Variants in CCDC7 observed in about 807,000 individuals in gnomAD.
CCDC7 encodes the protein coiled-coil domain-containing protein 7.
Under a neutral mutation model 196.9 loss-of-function variants are expected in CCDC7, and 183 were observed. The observed-to-expected ratio is 0.93, with a 90% CI of 0.82 to 1.05. The LOEUF is 1.05. Ranked by LOEUF, CCDC7 falls within the 50% of genes least tolerant of loss-of-function variation. CCDC7 has a pLI of 0.00. For missense variants in CCDC7, 1,540 were observed against 1,482.2 expected, an observed-to-expected ratio of 1.04 and a Z score of -0.64; for synonymous variants, 525 against 484.6, an observed-to-expected ratio of 1.08 and a Z score of -1.10.
At chr10:32,659,557 A>G (rs989716089) in intron 20 of CCDC7, among the ~76,000 whole-genome samples, 2 of 152,244 alleles carry the variant, frequency 1.3e-5, no homozygotes, top group African/African-American at 4.8e-5. Context: ...TTCATGGTCC[A>G]TATGAAAGTT....
At chr10:32,697,461 A>G (rs1416234036) in intron 24 of CCDC7, among the ~76,000 whole-genome samples, 1 of 152,114 alleles carries the variant, frequency 6.6e-6, no homozygotes, top group African/African-American at 2.4e-5. Context: ...AAATCAGGAC[A>G]CTCCCGCCTT....
chr10:32,514,896 C>T (rs1022859176), intron 9 of CCDC7, among the ~76,000 whole-genome samples: 3 of 152,178 alleles, frequency 2.0e-5, no homozygotes, highest in Non-Finnish European at 4.4e-5. Context: ...GTAATCATAG[C>T]TCACTTCAGC....
chr10:32,696,080 C>T (rs973475516), intron 24 of CCDC7, among the ~76,000 whole-genome samples: 14 of 151,758 alleles, frequency 9.2e-5, no homozygotes, highest in Admixed American at 2.6e-4. Flanking sequence ...TGGGTTTAGT[C>T]TTCCATATAC....
chr10:32,493,801 T>G (rs182970345), intron 9 of CCDC7, among the ~76,000 whole-genome samples: 174 of 152,300 alleles, frequency 1.1e-3, no homozygotes, highest in African/African-American at 4.0e-3. Flanking sequence ...ATTAGTGATG[T>G]TGAACATTTT....
exon 18 of CCDC7, chr10:32,584,295 A>G (rs775844142): frequency 1.3e-6 from 2 of 1,597,684 alleles, no homozygotes; most frequent in Non-Finnish European, 8.6e-7. Context: ...AGCAGCAGAA[A>G]AATCTCAAGG....
chr10:32,451,769 T>G (rs751315907), exon 1 of CCDC7: 1 of 1,614,122 alleles, frequency 6.2e-7, no homozygotes, highest in East Asian at 2.2e-5. Context: ...TAATGCAAAA[T>G]TAATTCATGA....
At chr10:32,848,123 A>C (rs1039347918) in intron 38 of CCDC7, among the ~76,000 whole-genome samples, 3 of 152,214 alleles carry the variant, frequency 2.0e-5, no homozygotes, top group African/African-American at 7.2e-5. Flanking sequence ...ATTTTAAAAA[A>C]TATGAGGTTT....
At chr10:32,738,711 C>G (rs574629415) in intron 28 of CCDC7, among the ~76,000 whole-genome samples, 19 of 151,876 alleles carry the variant, frequency 1.3e-4, no homozygotes, top group Admixed American at 1.2e-3. Flanking sequence ...TGAGCTCAAG[C>G]AATCCATCTG....
At position 32,567,691 on chromosome 10, in the gene CCDC7, CAACTT is replaced by C. The variant is rs2057031053; in HGVS notation, c.1224_1228del (p.Asn409PhefsTer9). The C allele has an allele frequency of 6.2e-7, 1 of 1,611,238 alleles. No individual in the cohort carries two copies. The highest frequency in any genetic ancestry group is 1.1e-5 in the South Asian group (1 of 90,404). ...ACAGGAAGCTGAAAAAGCTAAGCATCAACTTAACTATTTCCTAAATCAAGAGAAGT... is the reference window on the plus strand; with the variant it reads ...ACAGGAAGCTGAAAAAGCTAAGCATCAACTATTTCCTAAATCAAGAGAAGT... On this transcript the variant is annotated frameshift_variant, in exon 15 of 42. Coordinates refer to ENST00000639629, the Ensembl canonical transcript of CCDC7. LOFTEE classifies it high-confidence loss of function.
intron 16 of CCDC7, among the ~76,000 whole-genome samples, chr10:32,574,745 T>G (rs2057998542): frequency 6.6e-6 from 1 of 152,208 alleles, no homozygotes; most frequent in Non-Finnish European, 1.5e-5. Context: ...GTGTTTTATT[T>G]TGAAGAGTTA....
upstream of CCDC7, among the ~76,000 whole-genome samples, chr10:32,443,494 T>A (rs2030461018): frequency 6.6e-6 from 1 of 152,214 alleles, no homozygotes; most frequent in African/African-American, 2.4e-5. Flanking sequence ...AACTTTCAGG[T>A]ATGGCACGAG....
intron 28 of CCDC7, among the ~76,000 whole-genome samples, chr10:32,734,900 A>G (rs1330856812): frequency 6.6e-6 from 1 of 152,054 alleles, no homozygotes; most frequent in African/African-American, 2.4e-5. Context: ...TTCATCTCCA[A>G]AAAACAAATA....
chr10:32,743,198 A>G (rs1261720535), intron 28 of CCDC7, among the ~76,000 whole-genome samples: 1 of 152,212 alleles, frequency 6.6e-6, no homozygotes, highest in Non-Finnish European at 1.5e-5. Context: ...TTGCTGGATT[A>G]TATGACAAGA....
At chr10:32,583,275 A>G (rs1343440351) in exon 17 of CCDC7, 1 of 1,231,400 alleles carries the variant, frequency 8.1e-7, no homozygotes, top group Non-Finnish European at 1.0e-6. Context: ...ATCACCATTC[A>G]TTTTACCTCC....
intron 20 of CCDC7, among the ~76,000 whole-genome samples, chr10:32,649,212 A>C (rs1316862427): frequency 6.6e-6 from 1 of 152,194 alleles, no homozygotes; most frequent in Non-Finnish European, 1.5e-5. Flanking sequence ...TTCTGGGCTT[A>C]ATACCTGGGT....
chr10:32,594,757 G>T (rs2060140501), intron 18 of CCDC7, among the ~76,000 whole-genome samples: 1 of 152,138 alleles, frequency 6.6e-6, no homozygotes, highest in South Asian at 2.1e-4. Context: ...TTTTTAGCAT[G>T]AAGCGCTGTT....
chr10:32,576,408 C>A lies in CCDC7; in HGVS notation c.1454+4515C>A, dbSNP rs76678301. ...TGGAGTTTAACCATGGTAAGAGGGG[C>A]CCTTGCTTGGTACGGTAGCCTATAG... On this transcript the variant is annotated intron_variant, in intron 16 of 41. Coordinates refer to ENST00000639629, the Ensembl canonical transcript of CCDC7. Among the ~76,000 whole-genome samples the A allele has an allele frequency of 6.1e-3, 930 of 152,136 alleles. 15 individuals are homozygous for A. Among genetic ancestry groups the A allele is most frequent in the African/African-American group, 0.019 (793 of 41,502 alleles).
At chr10:32,505,867 G>C (rs111375299) in intron 9 of CCDC7, among the ~76,000 whole-genome samples, 27 of 139,486 alleles carry the variant, frequency 1.9e-4, no homozygotes, top group African/African-American at 6.5e-4. Flanking sequence ...GTGCTCCTCA[G>C]TTCCCAGACG....
At chr10:32,634,108 T>G in intron 18 of CCDC7, 146 bp from the exon 20 acceptor site, 1 of 377,730 alleles carries the variant, frequency 2.6e-6, no homozygotes, top group Non-Finnish European at 4.7e-6. Flanking sequence ...AATTTTCATG[T>G]GAGATCTATC....
Sources: allele counts gnomAD v4.1 joint callset (sites outside exome capture counted in the v4.1 genomes callset), GRCh38; gene constraint gnomAD v4.1.1; transcripts MANE v1.5; gene names NCBI Gene and HGNC (gene_info 2026-07-23, HGNC 2026-07-21).